ANO4: variants seen among roughly 807,000 people sequenced by gnomAD.
ANO4 encodes the protein anoctamin 4.
ANO4 carries 69 observed loss-of-function variants against 141.9 expected under a neutral mutation model. That is an observed-to-expected ratio of 0.49 (90% CI 0.40 to 0.59). The LOEUF (loss-of-function observed/expected upper bound fraction) is 0.59, where lower values mean the gene tolerates loss of function less well. Among genes scored for constraint, ANO4 ranks in the 20% least tolerant of loss-of-function variants. The pLI is 0.00. For synonymous variants in ANO4, 350 were observed against 394.3 expected (o/e 0.89, Z 1.33); for missense variants, 894 against 1,162.2 (o/e 0.77, Z 3.36).
chr12:100,928,588 G>A (rs550494651), intron 3 of ANO4, among the ~76,000 whole-genome samples: 1 of 152,152 alleles, frequency 6.6e-6, no homozygotes, highest in Non-Finnish European at 1.5e-5. Context: ...CAAAGAAGGT[G>A]AAATTGTGGT....
chr12:100,801,174 C>G (rs2034666051), intron 1 of ANO4, among the ~76,000 whole-genome samples: 1 of 151,972 alleles, frequency 6.6e-6, no homozygotes, highest in Non-Finnish European at 1.5e-5. Flanking sequence ...TTCTGTACCT[C>G]AAATCTTGGT....
chr12:100,833,018 C>T (rs1427900286), intron 1 of ANO4, among the ~76,000 whole-genome samples: 3 of 152,034 alleles, frequency 2.0e-5, no homozygotes, highest in Admixed American at 2.0e-4. Flanking sequence ...ACACTTCTGA[C>T]CAAGTAAAAT....
At chr12:100,896,897 C>T (rs2040379019) in intron 1 of ANO4, among the ~76,000 whole-genome samples, 1 of 152,148 alleles carries the variant, frequency 6.6e-6, no homozygotes, top group African/African-American at 2.4e-5. Context: ...TGGACATTGC[C>T]ATAAGCACTC....
chr12:101,059,072 G>A (rs1238480038), intron 14 of ANO4, among the ~76,000 whole-genome samples: 2 of 152,142 alleles, frequency 1.3e-5, no homozygotes, highest in Non-Finnish European at 1.5e-5. Flanking sequence ...TTAGCATGAA[G>A]CGGTGTTGAA....
intron 14 of ANO4, among the ~76,000 whole-genome samples, chr12:101,056,919 T>C (rs1351195244): frequency 6.7e-6 from 1 of 149,700 alleles, no homozygotes; most frequent in African/African-American, 2.5e-5. Flanking sequence ...GTTTCTTACA[T>C]AGGTATACAT....
chr12:100,849,898 G>T (rs1391751752), intron 1 of ANO4, among the ~76,000 whole-genome samples: 3 of 152,086 alleles, frequency 2.0e-5, no homozygotes, highest in Non-Finnish European at 2.9e-5. Flanking sequence ...TCTGTTAATT[G>T]TCACCACCAG....
chr12:100,847,450 A>T, intron 1 of ANO4, among the ~76,000 whole-genome samples: 1 of 150,440 alleles, frequency 6.6e-6, no homozygotes, highest in Non-Finnish European at 1.5e-5. Flanking sequence ...TGTCTTGCAA[A>T]ACACCTCAAA....
At chr12:100,970,142 T>G (rs1166721796) in intron 5 of ANO4, among the ~76,000 whole-genome samples, 1 of 152,154 alleles carries the variant, frequency 6.6e-6, no homozygotes, top group Non-Finnish European at 1.5e-5. Context: ...CAGATTGCAA[T>G]CTCACATCTT....
chr12:101,026,056 C>G (rs915535952), intron 9 of ANO4, among the ~76,000 whole-genome samples: 2 of 152,104 alleles, frequency 1.3e-5, no homozygotes, highest in African/African-American at 4.8e-5. Context: ...ATTCATTTTA[C>G]TATCCAGTGC....
chr12:101,102,469 G>A (rs187011693), intron 22 of ANO4, among the ~76,000 whole-genome samples: 102 of 152,208 alleles, frequency 6.7e-4, no homozygotes, highest in Admixed American at 2.6e-3. Flanking sequence ...AACTAATAAT[G>A]CTGAGCACCT....
upstream of ANO4, among the ~76,000 whole-genome samples, chr12:100,792,579 G>C (rs899380821): frequency 6.6e-6 from 1 of 152,138 alleles, no homozygotes; most frequent in South Asian, 2.1e-4. Flanking sequence ...TTTTAGTAGA[G>C]AGGAATAAAG....
intron 3 of ANO4, among the ~76,000 whole-genome samples, chr12:100,928,249 A>G (rs577659694): frequency 6.6e-6 from 1 of 151,972 alleles, no homozygotes; most frequent in Admixed American, 6.6e-5. Flanking sequence ...CCTTTTACCT[A>G]TGTTATTTTA....
chr12:101,111,645 T>G lies in ANO4; in HGVS notation c.2385T>G (p.Phe795Leu). 1 of 1,613,376 alleles carries G rather than the reference T, an allele frequency of 6.2e-7. No individual in the cohort carries two copies. The highest frequency in any genetic ancestry group is 8.5e-7 in the Non-Finnish European group (1 of 1,179,656). Reference sequence around the variant, plus strand: ...TTGTCATAGCGATAACATCTGACTTTATCCCTCGCTTGGTGTATGCTTATA... The same window carrying G: ...TTGTCATAGCGATAACATCTGACTTGATCCCTCGCTTGGTGTATGCTTATA... The part of the protein sequence containing the change: ...NAFVIAITSD[F>L]IPRLVYAYKY... The change falls in exon 24 of 28, where the codon TTT becomes TTG. Residue 795 changes from phenylalanine (F) to leucine (L), a missense_variant. Phe to Leu is a conservative substitution (Grantham distance 22). Transcript: ENST00000392977.
At chr12:100,942,883 C>A (rs1377069857) in intron 5 of ANO4, among the ~76,000 whole-genome samples, 1 of 152,168 alleles carries the variant, frequency 6.6e-6, no homozygotes, top group Admixed American at 6.5e-5. Context: ...TGAGTGAAAT[C>A]CAGTCACTCT....
chr12:101,112,735 G>T (rs1315805302), intron 24 of ANO4, among the ~76,000 whole-genome samples: 1 of 152,184 alleles, frequency 6.6e-6, no homozygotes, highest in Non-Finnish European at 1.5e-5. Flanking sequence ...AATTCATTAT[G>T]AATCCTACAT....
chr12:101,055,106 A>G (rs1289902847), intron 14 of ANO4, among the ~76,000 whole-genome samples: 6 of 152,234 alleles, frequency 3.9e-5, no homozygotes, highest in Admixed American at 3.9e-4. Context: ...TTTAACTACT[A>G]TAAATAAACC....
At position 100,926,989 on chromosome 12, in the gene ANO4, T is replaced by A. The variant is rs76839424; in HGVS notation, c.160+4659T>A. Among the ~76,000 whole-genome samples, 547 of 152,162 alleles carry A rather than the reference T, an allele frequency of 3.6e-3. 1 individual carries two copies. Among genetic ancestry groups the A allele is most frequent in the Non-Finnish European group, 5.6e-3 (383 of 67,996 alleles). On this transcript the variant is annotated intron_variant, in intron 3 of 27. Coordinates refer to ENST00000392977, the MANE Select transcript of ANO4 (RefSeq NM_001286615.2). ...TTAGGAGTCTCTGGGAAGGGGGCAG[T>A]CTCATCTTCCTGTTTCTTTGTTTTA...
intron 3 of ANO4, among the ~76,000 whole-genome samples, chr12:100,927,333 A>G (rs1480412709): frequency 6.6e-6 from 1 of 152,146 alleles, no homozygotes; most frequent in African/African-American, 2.4e-5. Flanking sequence ...TTACAGTGCA[A>G]TTCCTACTCT....
At chr12:101,060,767 A>G (rs1317379278) in intron 14 of ANO4, among the ~76,000 whole-genome samples, 2 of 151,842 alleles carry the variant, frequency 1.3e-5, no homozygotes, top group African/African-American at 4.8e-5. Context: ...GAGCGCATGT[A>G]TGTCTTTGCA....
Sources: allele counts gnomAD v4.1 joint callset (sites outside exome capture counted in the v4.1 genomes callset), GRCh38; gene constraint gnomAD v4.1.1; transcripts MANE v1.5; gene names NCBI Gene and HGNC (gene_info 2026-07-23, HGNC 2026-07-21).